The following CADPS2 variants were observed in gnomAD, a reference collection of about 807,000 sequenced individuals.
CADPS2 encodes the protein calcium-dependent secretion activator 2.
In CADPS2, 93 loss-of-function variants were observed where a neutral mutation model predicts 172.5. The ratio of observed to expected loss-of-function variants is 0.54; its 90% CI spans 0.46 to 0.64. The LOEUF is 0.64. CADPS2 is among the 30% of genes least tolerant of loss of function. The probability of loss-of-function intolerance (pLI) is 0.00; values close to 1 mark genes in which losing one functional copy is unlikely to be tolerated. For synonymous variants in CADPS2, 546 were observed against 555.2 expected, an observed-to-expected ratio of 0.98 and a Z score of 0.23; for missense variants, 1,420 against 1,565.9, an observed-to-expected ratio of 0.91 and a Z score of 1.57.
At chr7:122,664,424 A>C (rs2080960596) in intron 2 of CADPS2, among the ~76,000 whole-genome samples, 1 of 151,166 alleles carries the variant, frequency 6.6e-6, no homozygotes, top group African/African-American at 2.4e-5. Flanking sequence ...AAATAAAATA[A>C]AATAAAAACA....
At chr7:122,708,452 A>G (rs1213332113) in intron 2 of CADPS2, among the ~76,000 whole-genome samples, 4 of 65,282 alleles carry the variant, frequency 6.1e-5, no homozygotes, top group Non-Finnish European at 3.4e-5. Context: ...GTATATATAT[A>G]TGTGTGTGGA....
chr7:122,702,590 G>A (rs201215032), intron 2 of CADPS2: 42 of 1,613,552 alleles, frequency 2.6e-5, no homozygotes, highest in African/African-American at 1.5e-4. Flanking sequence ...TCCTAATTCC[G>A]ATGTGATCTC....
intron 27 of CADPS2, among the ~76,000 whole-genome samples, chr7:122,356,805 AAC>A (rs1224274961): frequency 1.3e-5 from 2 of 152,140 alleles, no homozygotes; most frequent in Non-Finnish European, 2.9e-5. Context: ...GTCTCTTTGA[AAC>A]ACAGAGTTTC....
At chr7:122,603,208 TA>T (rs34533065) in intron 6 of CADPS2, among the ~76,000 whole-genome samples, 1 of 151,836 alleles carries the variant, frequency 6.6e-6, no homozygotes, top group Non-Finnish European at 1.5e-5. Flanking sequence ...TCTCAAATCT[TA>T]AAAAAAAGAT....
At chr7:122,580,328 G>GC (rs1347779097) in intron 7 of CADPS2, among the ~76,000 whole-genome samples, 3 of 151,776 alleles carry the variant, frequency 2.0e-5, no homozygotes, top group Non-Finnish European at 4.4e-5. Flanking sequence ...GGTGGTATGT[G>GC]CCTGTGGTCC....
chr7:122,802,129 A>T (rs1403548238), intron 1 of CADPS2, among the ~76,000 whole-genome samples: 5 of 152,200 alleles, frequency 3.3e-5, no homozygotes, highest in African/African-American at 9.7e-5. Flanking sequence ...GAAGGACATT[A>T]AAAAAACTCA....
At chr7:122,809,795 C>G (rs781427963) in intron 1 of CADPS2, among the ~76,000 whole-genome samples, 1 of 152,124 alleles carries the variant, frequency 6.6e-6, no homozygotes, top group Non-Finnish European at 1.5e-5. Flanking sequence ...TGCAAGTGTC[C>G]AGTCCACCCT....
chr7:122,817,559 T>A (rs1021719291), intron 1 of CADPS2, among the ~76,000 whole-genome samples: 4 of 152,104 alleles, frequency 2.6e-5, no homozygotes, highest in Non-Finnish European at 5.9e-5. Context: ...CTCTGATTAT[T>A]CACCCACGTT....
chr7:122,449,373 T>C (rs1194856737), intron 15 of CADPS2, among the ~76,000 whole-genome samples: 2 of 152,266 alleles, frequency 1.3e-5, no homozygotes, highest in East Asian at 3.9e-4. Flanking sequence ...TGGAGTGCAG[T>C]GGTGTAATCA....
intron 16 of CADPS2, among the ~76,000 whole-genome samples, 157 bp downstream of exon 16, chr7:122,441,355 A>T (rs1327319644): frequency 2.0e-5 from 3 of 152,198 alleles, no homozygotes; most frequent in Admixed American, 2.0e-4. Context: ...TGCTGTAGAC[A>T]GAGTCTGAAT....
intron 29 of CADPS2, among the ~76,000 whole-genome samples, chr7:122,323,805 T>A: frequency 6.7e-6 from 1 of 149,484 alleles, no homozygotes; most frequent in African/African-American, 2.5e-5. Flanking sequence ...ATTGTAATAT[T>A]AATCACTGCA....
At chr7:122,395,320 A>G (rs1271062663) in intron 20 of CADPS2, 2 of 152,166 alleles carry the variant, frequency 1.3e-5, no homozygotes, top group Non-Finnish European at 2.9e-5. Flanking sequence ...CCTCTAATTG[A>G]TATGGGTTAG....
chr7:122,811,046 C>A (rs775057491), intron 1 of CADPS2, among the ~76,000 whole-genome samples: 1 of 152,138 alleles, frequency 6.6e-6, no homozygotes, highest in Non-Finnish European at 1.5e-5. Context: ...GAGTATGTCA[C>A]GTTCTGATAA....
intron 1 of CADPS2, among the ~76,000 whole-genome samples, chr7:122,845,797 C>T (rs1811838353): frequency 6.6e-6 from 1 of 152,172 alleles, no homozygotes; most frequent in African/African-American, 2.4e-5. Flanking sequence ...AACAGGAAAA[C>T]TTGATAAATT....
intron 14 of CADPS2, among the ~76,000 whole-genome samples, chr7:122,458,844 A>T (rs1354193065): frequency 1.3e-5 from 2 of 152,180 alleles, no homozygotes; most frequent in African/African-American, 2.4e-5. Context: ...TAATTCCAGA[A>T]TTCAAGAGAA....
At chr7:122,698,183 C>T (rs954302086) in intron 2 of CADPS2, 10 of 1,613,754 alleles carry the variant, frequency 6.2e-6, no homozygotes, top group Non-Finnish European at 7.6e-6. Flanking sequence ...ATTTCTTCAT[C>T]CCCCTCTTTT....
intron 12 of CADPS2, among the ~76,000 whole-genome samples, chr7:122,478,399 A>G (rs2056943591): frequency 6.6e-6 from 1 of 152,196 alleles, no homozygotes; most frequent in East Asian, 1.9e-4. Context: ...GACTAACTAC[A>G]GATGTGGGAT....
At chr7:122,588,945 T>C (rs1043268557) in intron 6 of CADPS2, among the ~76,000 whole-genome samples, 18 of 152,118 alleles carry the variant, frequency 1.2e-4, no homozygotes, top group African/African-American at 4.3e-4. Context: ...TGTCAAGCAA[T>C]ATCATTTTTA....
At chr7:122,833,397 C>G (rs1807230639) in intron 1 of CADPS2, among the ~76,000 whole-genome samples, 1 of 152,144 alleles carries the variant, frequency 6.6e-6, no homozygotes, top group Non-Finnish European at 1.5e-5. Flanking sequence ...GTTGCCCGGG[C>G]TGGAGTACAG....
Sources: allele counts gnomAD v4.1 joint callset (sites outside exome capture counted in the v4.1 genomes callset), GRCh38; gene constraint gnomAD v4.1.1; transcripts MANE v1.5; gene names NCBI Gene and HGNC (gene_info 2026-07-23, HGNC 2026-07-21).